Variants in GNG12 observed in about 807,000 individuals in gnomAD.
GNG12 encodes guanine nucleotide-binding protein G(I)/G(S)/G(O) subunit gamma-12.
For synonymous variants in GNG12, 28 were observed against 29.7 expected (o/e 0.94, Z 0.19); for missense variants, 69 against 83.8 (o/e 0.82, Z 0.69).
intron 1 of GNG12, among the ~76,000 whole-genome samples, chr1:67,817,199 C>CA (rs1448315758): frequency 2.6e-5 from 4 of 152,132 alleles, no homozygotes; most frequent in African/African-American, 9.7e-5. Context: ...ACTGGGAACC[C>CA]AGACAGCAGA....
chr1:67,713,333 CA>C (rs1646307215), intron 2 of GNG12, among the ~76,000 whole-genome samples: 1 of 152,214 alleles, frequency 6.6e-6, no homozygotes, highest in African/African-American at 2.4e-5. Context: ...TGAATAAACA[CA>C]TGTAGTATTT....
chr1:67,732,404 G>A lies in GNG12; in HGVS notation c.-26-24692C>T, dbSNP rs1646425065. 2.0e-5 allele frequency among the ~76,000 whole-genome samples: 3 copies of A among 152,222 alleles called. No individual in the cohort carries two copies. The South Asian group carries it at 6.2e-4, about 32-fold the overall frequency. On this transcript the variant is annotated intron_variant, in intron 2 of 3. Transcript: ENST00000370982. Reference sequence around the variant, plus strand: ...GTTCCCTGACTTCCCATGGGATCTGGAAGGTGGGGAAAAGAGACAGACCAT... The same window carrying A: ...GTTCCCTGACTTCCCATGGGATCTGAAAGGTGGGGAAAAGAGACAGACCAT...
At chr1:67,713,877 T>C (rs1033746621) in intron 2 of GNG12, among the ~76,000 whole-genome samples, 2 of 152,210 alleles carry the variant, frequency 1.3e-5, no homozygotes, top group Non-Finnish European at 2.9e-5. Context: ...ATGAAAAACA[T>C]GTGCTTGGTG....
At chr1:67,820,551 G>A (rs1646979290) in intron 1 of GNG12, among the ~76,000 whole-genome samples, 2 of 152,152 alleles carry the variant, frequency 1.3e-5, no homozygotes, top group African/African-American at 2.4e-5. Flanking sequence ...CATTCCTCCA[G>A]ACCACCTGGC....
chr1:67,784,787 A>C (rs1260804060), intron 1 of GNG12, among the ~76,000 whole-genome samples: 1 of 146,448 alleles, frequency 6.8e-6, no homozygotes, highest in Non-Finnish European at 1.5e-5. Flanking sequence ...ATAGCATTTC[A>C]TAAATAATGT....
chr1:67,763,302 G>GA (rs1408080866), intron 2 of GNG12, among the ~76,000 whole-genome samples: 1 of 152,076 alleles, frequency 6.6e-6, no homozygotes, highest in Non-Finnish European at 1.5e-5. Flanking sequence ...TCCTTTACAG[G>GA]AAAAGAAAAT....
At chr1:67,771,539 C>T (rs373135030) in intron 2 of GNG12, among the ~76,000 whole-genome samples, 1 of 152,238 alleles carries the variant, frequency 6.6e-6, no homozygotes, top group Non-Finnish European at 1.5e-5. Context: ...ATCCATCCTT[C>T]CTCCTCGCGA....
At chr1:67,758,981 T>C (rs539027333) in intron 2 of GNG12, among the ~76,000 whole-genome samples, 6 of 151,970 alleles carry the variant, frequency 3.9e-5, no homozygotes, top group Admixed American at 1.3e-4. Flanking sequence ...AGTAGAAAAA[T>C]TAGAGTCAAC....
chr1:67,787,061 GTGTGTGTGTA>G (rs1489338855), intron 1 of GNG12, among the ~76,000 whole-genome samples: 2 of 149,954 alleles, frequency 1.3e-5, no homozygotes, highest in African/African-American at 2.5e-5. Context: ...GTGTGTGTGT[GTGTGTGTGTA>G]TAGTCCCCCT....
chr1:67,804,823 A>G (rs1045074482), intron 1 of GNG12, among the ~76,000 whole-genome samples: 1 of 152,134 alleles, frequency 6.6e-6, no homozygotes, highest in Admixed American at 6.5e-5. Flanking sequence ...ACTTCAGGGG[A>G]ATCTAGTAAT....
chr1:67,765,654 A>G (rs1173836340), intron 2 of GNG12, among the ~76,000 whole-genome samples: 4 of 152,232 alleles, frequency 2.6e-5, no homozygotes, highest in Non-Finnish European at 5.9e-5. Context: ...AAAATACACA[A>G]AAAGTATAGG....
chr1:67,793,413 T>G (rs1346525173), intron 1 of GNG12, among the ~76,000 whole-genome samples: 4 of 152,256 alleles, frequency 2.6e-5, no homozygotes, highest in Non-Finnish European at 5.9e-5. Flanking sequence ...AATTTTGATC[T>G]TTGTGATGTG....
intron 1 of GNG12, among the ~76,000 whole-genome samples, chr1:67,831,564 T>C (rs534128940): frequency 1.3e-5 from 2 of 152,334 alleles, no homozygotes; most frequent in African/African-American, 4.8e-5. Flanking sequence ...GCATTATTTA[T>C]AAGGTCTAAC....
At chr1:67,761,454 G>A (rs1646604132) in intron 2 of GNG12, among the ~76,000 whole-genome samples, 1 of 152,184 alleles carries the variant, frequency 6.6e-6, no homozygotes, top group South Asian at 2.1e-4. Context: ...TAAACCTTAT[G>A]TATTGGTGTC....
chr1:67,759,115 A>G lies in GNG12; in HGVS notation c.-27+18343T>C, dbSNP rs562234006. 3.9e-5 allele frequency among the ~76,000 whole-genome samples: 6 copies of G among 152,390 alleles called. No homozygotes were observed. In the South Asian group the frequency reaches 1.2e-3, roughly 32 times the overall value. ...CTGATTTGATCATTATACATTGTATACATGATCAAAATACCACATGTATCC... is the reference window on the plus strand; with the variant it reads ...CTGATTTGATCATTATACATTGTATGCATGATCAAAATACCACATGTATCC... On this transcript the variant is annotated intron_variant, in intron 2 of 3. Transcript: ENST00000370982.
chr1:67,800,278 T>C (rs529548382), intron 1 of GNG12, among the ~76,000 whole-genome samples: 1 of 152,310 alleles, frequency 6.6e-6, no homozygotes, highest in South Asian at 2.1e-4. Flanking sequence ...CCTGATCTCA[T>C]CAGCAAAGTC....
At chr1:67,754,760 C>T (rs1356072682) in intron 2 of GNG12, among the ~76,000 whole-genome samples, 4 of 152,344 alleles carry the variant, frequency 2.6e-5, no homozygotes, top group Non-Finnish European at 5.9e-5. Context: ...ACTTGTTGGT[C>T]TTCTGCATTA....
At chr1:67,775,743 A>G (rs1646701126) in intron 2 of GNG12, among the ~76,000 whole-genome samples, 1 of 152,200 alleles carries the variant, frequency 6.6e-6, no homozygotes, top group Admixed American at 6.5e-5. Context: ...TGAGCCAAAG[A>G]AGGCACTGTT....
chr1:67,764,512 C>T (rs1242322832), intron 2 of GNG12, among the ~76,000 whole-genome samples: 2 of 152,142 alleles, frequency 1.3e-5, no homozygotes, highest in Admixed American at 6.5e-5. Context: ...TGAAAATGCT[C>T]TGAAATTAGA....
Sources: gnomAD v4.1 joint callset for allele counts (sites outside exome capture counted in the v4.1 genomes callset) on GRCh38, gnomAD v4.1.1 for gene constraint, MANE v1.5 for transcripts, NCBI Gene and HGNC (gene_info 2026-07-23, HGNC 2026-07-21) for gene names.